The following DLC1 variants were observed in gnomAD, a reference collection of about 807,000 sequenced individuals.
DLC1 encodes DLC1 Rho GTPase activating protein, also known as rho GTPase-activating protein 7.
In DLC1, 54 loss-of-function variants were observed where a neutral mutation model predicts 140.3. That is an observed-to-expected ratio of 0.38 (90% CI 0.31 to 0.48). The LOEUF is 0.48. Ranked by LOEUF, DLC1 falls within the 20% of genes least tolerant of loss-of-function variation. The pLI, the probability that DLC1 is intolerant of heterozygous loss-of-function variation, is 0.96. For missense variants in DLC1, 2,536 were observed against 1,907.0 expected, an observed-to-expected ratio of 1.33 and a Z score of -6.14; for synonymous variants, 986 against 728.1, an observed-to-expected ratio of 1.35 and a Z score of -5.70.
chr8:13,093,728 C>T (rs565606923), intron 12 of DLC1, among the ~76,000 whole-genome samples: 2 of 152,234 alleles, frequency 1.3e-5, no homozygotes, highest in South Asian at 4.1e-4. Flanking sequence ...AAGGATGAAA[C>T]AACCAATGAA....
At chr8:13,551,499 C>G (rs1242285268) in intron 1 of DLC1, among the ~76,000 whole-genome samples, 8 of 152,010 alleles carry the variant, frequency 5.3e-5, no homozygotes, top group African/African-American at 1.9e-4. Flanking sequence ...ACCTCTTTCA[C>G]AATAGCATTT....
At chr8:13,232,703 A>G (rs1232301855) in intron 5 of DLC1, among the ~76,000 whole-genome samples, 1 of 152,212 alleles carries the variant, frequency 6.6e-6, no homozygotes, top group Non-Finnish European at 1.5e-5. Context: ...ATTCATTTCA[A>G]GTGACATTAA....
At chr8:13,460,460 T>C (rs879549217) in intron 2 of DLC1, among the ~76,000 whole-genome samples, 5 of 152,232 alleles carry the variant, frequency 3.3e-5, no homozygotes, top group African/African-American at 4.8e-5. Flanking sequence ...TGATTGTGTG[T>C]GGGCTTTGCA....
At chr8:13,584,446 G>C (rs919715642) in intron 1 of DLC1, 2 of 152,376 alleles carry the variant, frequency 1.3e-5, no homozygotes. Context: ...ATTTCTTGGA[G>C]AGTATCAATG....
chr8:13,468,896 C>T (rs1800076856), intron 2 of DLC1, among the ~76,000 whole-genome samples: 1 of 138,400 alleles, frequency 7.2e-6, no homozygotes, highest in Non-Finnish European at 1.5e-5. Context: ...TCTTGGTTCA[C>T]TGCAACCTCG....
intron 5 of DLC1, among the ~76,000 whole-genome samples, chr8:13,195,632 G>T (rs1040662224): frequency 6.6e-6 from 1 of 152,170 alleles, no homozygotes; most frequent in Non-Finnish European, 1.5e-5. Context: ...TAACCTCAAA[G>T]TATTAAATAT....
At chr8:13,161,774 C>T (rs959915122) in intron 5 of DLC1, among the ~76,000 whole-genome samples, 1 of 152,164 alleles carries the variant, frequency 6.6e-6, no homozygotes, top group African/African-American at 2.4e-5. Context: ...TGCTACAGAA[C>T]ATAGAGAACA....
At chr8:13,569,159 C>T (rs1030706895) in intron 1 of DLC1, among the ~76,000 whole-genome samples, 19 of 152,068 alleles carry the variant, frequency 1.2e-4, no homozygotes, top group African/African-American at 4.1e-4. Flanking sequence ...TTCTGAGAAG[C>T]CATTTATTAT....
intron 5 of DLC1, among the ~76,000 whole-genome samples, chr8:13,247,066 G>A (rs374171199): frequency 3.3e-5 from 5 of 152,184 alleles, no homozygotes; most frequent in African/African-American, 7.2e-5. Context: ...TGTAAGGAGC[G>A]TCACCTATTG....
chr8:13,124,754 A>G (rs1384851960), intron 5 of DLC1, among the ~76,000 whole-genome samples: 1 of 152,058 alleles, frequency 6.6e-6, no homozygotes, highest in Non-Finnish European at 1.5e-5. Context: ...TGACTCTAAT[A>G]TTTCCTTTAT....
chr8:13,240,143 C>G (rs1285835103), intron 5 of DLC1, among the ~76,000 whole-genome samples: 1 of 152,056 alleles, frequency 6.6e-6, no homozygotes, highest in Non-Finnish European at 1.5e-5. Context: ...GAAGTTACAC[C>G]TCAAGTAGAT....
intron 5 of DLC1, among the ~76,000 whole-genome samples, chr8:13,256,243 C>T (rs1324280744): frequency 6.6e-6 from 1 of 152,176 alleles, no homozygotes; most frequent in Non-Finnish European, 1.5e-5. Context: ...GTAACTCAAG[C>T]TTTCAAACTT....
chr8:13,090,979 A>AT (rs897803515), intron 14 of DLC1, among the ~76,000 whole-genome samples: 5 of 150,140 alleles, frequency 3.3e-5, no homozygotes, highest in Non-Finnish European at 7.4e-5. Context: ...TAATTTTTAA[A>AT]TTTTTTTTTG....
intron 2 of DLC1, among the ~76,000 whole-genome samples, chr8:13,443,408 C>A (rs1418660166): frequency 6.7e-6 from 1 of 150,148 alleles, no homozygotes; most frequent in African/African-American, 2.4e-5. Context: ...GCCTGTAATC[C>A]CAGCACTTTG....
At chr8:13,276,195 T>A in intron 5 of DLC1, 1 of 1,517,128 alleles carries the variant, frequency 6.6e-7, no homozygotes. Flanking sequence ...TCACTGCGTC[T>A]TCGCAGTAAA....
chr8:13,514,464 T>C (rs1046015711), intron 1 of DLC1, 138 bp downstream of exon 1: 2 of 396,754 alleles, frequency 5.0e-6, no homozygotes, highest in East Asian at 7.1e-5. Flanking sequence ...TTATCAAACA[T>C]TTTCCACTTC....
At chr8:13,193,187 A>G (rs1351352422) in intron 5 of DLC1, among the ~76,000 whole-genome samples, 1 of 152,170 alleles carries the variant, frequency 6.6e-6, no homozygotes, top group Non-Finnish European at 1.5e-5. Context: ...AACAAATAGG[A>G]ATTTCCTTGC....
chr8:13,287,475 A>G (rs560058098), intron 5 of DLC1, among the ~76,000 whole-genome samples: 1 of 152,360 alleles, frequency 6.6e-6, no homozygotes, highest in Non-Finnish European at 1.5e-5. Context: ...CCCTGCTCTG[A>G]AGTATAAGTA....
At chr8:13,373,708 C>A (rs1234135248) in intron 4 of DLC1, among the ~76,000 whole-genome samples, 3 of 152,164 alleles carry the variant, frequency 2.0e-5, no homozygotes, top group Non-Finnish European at 2.9e-5. Flanking sequence ...TGGGAGAGGG[C>A]TCCCTGTGCC....
Sources: allele counts gnomAD v4.1 joint callset (sites outside exome capture counted in the v4.1 genomes callset), GRCh38; gene constraint gnomAD v4.1.1; transcripts MANE v1.5; gene names NCBI Gene and HGNC (gene_info 2026-07-23, HGNC 2026-07-21).